Variants in RASA3 observed in about 807,000 individuals in gnomAD.
RASA3 encodes the protein ras GTPase-activating protein 3.
A neutral mutation model predicts 110.0 loss-of-function variants in RASA3; 73 were observed. The observed-to-expected ratio is 0.66, with a 90% confidence interval of 0.55 to 0.81. The LOEUF (loss-of-function observed/expected upper bound fraction) is 0.81, where lower values mean the gene tolerates loss of function less well. RASA3 is among the 30% of genes least tolerant of loss of function. The pLI is 0.00. For synonymous variants in RASA3, 500 were observed against 451.4 expected, an observed-to-expected ratio of 1.11 and a Z score of -1.37; for missense variants, 976 against 1,113.2, an observed-to-expected ratio of 0.88 and a Z score of 1.75.
At chr13:114,059,250 C>T (rs2139600358) in intron 2 of RASA3, among the ~76,000 whole-genome samples, 1 of 145,214 alleles carries the variant, frequency 6.9e-6, no homozygotes, top group Non-Finnish European at 1.5e-5. Flanking sequence ...TCAGGCCCTC[C>T]TGCATCTTCA....
At chr13:114,036,424 C>A (rs375411005) in intron 4 of RASA3, among the ~76,000 whole-genome samples, 3 of 152,210 alleles carry the variant, frequency 2.0e-5, no homozygotes, top group Admixed American at 6.5e-5. Context: ...AATCACAGAG[C>A]GGAGGGACTC....
chr13:113,998,272 A>G (rs1182985846), intron 20 of RASA3, among the ~76,000 whole-genome samples: 1 of 150,486 alleles, frequency 6.6e-6, no homozygotes, highest in Non-Finnish European at 1.5e-5. Flanking sequence ...CCTCTTCCCA[A>G]CCCTTCTCTT....
At chr13:113,991,320 G>A (rs1052589015) in intron 22 of RASA3, among the ~76,000 whole-genome samples, 4 of 152,226 alleles carry the variant, frequency 2.6e-5, no homozygotes, top group African/African-American at 9.6e-5. Flanking sequence ...CACTCAGGCA[G>A]GACTCATGTG....
In RASA3 at chr13:114,030,048, C is replaced by T. The variant is rs531145181; in HGVS notation, c.373-161G>A. 4.4e-4 allele frequency among the ~76,000 whole-genome samples: 67 copies of T among 152,368 alleles called. 1 individual carries two copies. The highest frequency in any genetic ancestry group is 2.9e-4 in the Non-Finnish European group (20 of 68,032). On this transcript the variant is annotated intron_variant, in intron 4 of 23. Transcript: ENST00000334062. Reference sequence around the variant, plus strand: ...GCCCCTCCACTCCACCCCCGGGACGCAGGGTCCCAGCTGTGGCCTTTCTCC... The same window carrying T: ...GCCCCTCCACTCCACCCCCGGGACGTAGGGTCCCAGCTGTGGCCTTTCTCC...
Position 114,011,102 on chromosome 13 carries a change from C to T in RASA3, c.1590+69G>A, listed in dbSNP as rs1370436638. The stretch of plus-strand genomic sequence containing the variant: ...TCTCTCAAATGTGGGAGGTTTTTCA[C>T]GTGTATTTTCTGAAGAGAGAAAAGA... On this transcript the variant is annotated intron_variant, in intron 16 of 23. Transcript: ENST00000334062. The surrounding 1 kb of genome is among the most constrained non-coding windows in gnomAD (Gnocchi z 4.8). 1.9e-5 allele frequency: 26 copies of T among 1,379,006 alleles called. No homozygotes were observed. Among genetic ancestry groups the T allele is most frequent in the Admixed American group, 5.7e-5 (3 of 52,632 alleles). 85.4% of individuals were successfully genotyped at this position (1,379,006 alleles called of 1,614,324 possible).
At chr13:114,090,753 A>G (rs750080640) in intron 1 of RASA3, among the ~76,000 whole-genome samples, 1 of 152,190 alleles carries the variant, frequency 6.6e-6, no homozygotes, top group Non-Finnish European at 1.5e-5. Context: ...CTTCCTCTAA[A>G]TTCACAGGGC....
At chr13:114,073,463 C>A (rs543604053) in intron 2 of RASA3, among the ~76,000 whole-genome samples, 2 of 129,192 alleles carry the variant, frequency 1.5e-5, no homozygotes, top group African/African-American at 3.1e-5. Context: ...GAAAATGGGA[C>A]GGTGATGTAC....
rs1336828096 is a variant in RASA3 at position 114,057,456 on chromosome 13, G to A, written c.174-5301C>T. Reference sequence around the variant, plus strand: ...TAATGAAGGCTCTGCAGGATTTCAAGGAAAGCTGGAGCCAGTCTCTGTGCC... The same window carrying A: ...TAATGAAGGCTCTGCAGGATTTCAAAGAAAGCTGGAGCCAGTCTCTGTGCC... On this transcript the variant is annotated intron_variant, in intron 2 of 23. Coordinates refer to ENST00000334062, the MANE Select transcript of RASA3 (RefSeq NM_007368.4). The surrounding 1 kb of genome is among the most constrained non-coding windows in gnomAD (Gnocchi z 5.0). The A allele has an allele frequency of 1.0e-6, 1 of 985,264 alleles. No individual in the cohort carries two copies. Among genetic ancestry groups the A allele is most frequent in the Non-Finnish European group, 1.2e-6 (1 of 829,928 alleles). 61.0% of individuals were successfully genotyped at this position (985,264 alleles called of 1,614,324 possible). A position where few individuals can be genotyped will look rare whatever the true frequency, so the allele number is the denominator to read the frequency against.
At chr13:114,122,740 G>A (rs911511374) in intron 1 of RASA3, among the ~76,000 whole-genome samples, 1 of 151,356 alleles carries the variant, frequency 6.6e-6, no homozygotes, top group Middle Eastern at 3.2e-3. Flanking sequence ...GGGGGTCTCC[G>A]GCCGGTCGGC....
intron 21 of RASA3, among the ~76,000 whole-genome samples, chr13:113,995,666 A>AG (rs2053218229): frequency 1.2e-5 from 1 of 84,232 alleles, no homozygotes. Flanking sequence ...CAGCTGACGG[A>AG]GGACCCAGCT....
chr13:114,022,197 T>C (rs2053941308), intron 8 of RASA3, among the ~76,000 whole-genome samples: 1 of 152,130 alleles, frequency 6.6e-6, no homozygotes, highest in Non-Finnish European at 1.5e-5. Context: ...AGGCCCAGCA[T>C]TGTGAAGCTT....
At chr13:114,052,424 G>A (rs529797151) in intron 2 of RASA3, among the ~76,000 whole-genome samples, 2 of 152,280 alleles carry the variant, frequency 1.3e-5, no homozygotes, top group South Asian at 4.1e-4. Flanking sequence ...CAGAGACCAC[G>A]GCCACTGCCA....
intron 14 of RASA3, among the ~76,000 whole-genome samples, chr13:114,013,898 CTCTCTT>C (rs2053719523): frequency 1.8e-5 from 1 of 54,246 alleles, no homozygotes; most frequent in South Asian, 6.3e-4. Flanking sequence ...CTCTCTTTTT[CTCTCTT>C]TCTCTGTCTC....
chr13:114,067,161 G>A (rs1475746833), intron 2 of RASA3, among the ~76,000 whole-genome samples: 3 of 147,614 alleles, frequency 2.0e-5, no homozygotes, highest in Admixed American at 2.0e-4. Flanking sequence ...CTGGAGCTGA[G>A]GATGGGCCCC....
intron 2 of RASA3, among the ~76,000 whole-genome samples, chr13:114,060,678 G>A (rs919794486): frequency 6.6e-6 from 1 of 152,234 alleles, no homozygotes; most frequent in Non-Finnish European, 1.5e-5. Flanking sequence ...GAGGCGGGCA[G>A]GACGCAGCTG....
rs563127953 is a variant in RASA3 at position 114,048,443 on chromosome 13, G to A, written c.277+3609C>T. On this transcript the variant is annotated intron_variant, in intron 3 of 23. Coordinates refer to ENST00000334062, the MANE Select transcript of RASA3 (RefSeq NM_007368.4). The surrounding 1 kb of genome is among the most constrained non-coding windows in gnomAD (Gnocchi z 4.3). ...GGGACATGGTGCTACCAGAGCCGGGGCCCAGAGGAAGGTGGAGGCCTAGCG... is the reference window on the plus strand; with the variant it reads ...GGGACATGGTGCTACCAGAGCCGGGACCCAGAGGAAGGTGGAGGCCTAGCG... Among the ~76,000 whole-genome samples the A allele has an allele frequency of 1.2e-3, 181 of 152,244 alleles. No homozygotes were observed. Among genetic ancestry groups the A allele is most frequent in the Middle Eastern group, 3.4e-3 (1 of 294 alleles).
rs923215932 is a variant in RASA3 at position 114,048,925 on chromosome 13, C to T, written c.277+3127G>A. 7.9e-5 allele frequency among the ~76,000 whole-genome samples: 12 copies of T among 151,948 alleles called. No homozygotes were observed. Among genetic ancestry groups the T allele is most frequent in the Admixed American group, 6.6e-5 (1 of 15,238 alleles). ...CTTTATTTCCCCAAGTCTCACTTGCCGGGGCGCCGTATCCCGGCACGGCTT... is the reference window on the plus strand; with the variant it reads ...CTTTATTTCCCCAAGTCTCACTTGCTGGGGCGCCGTATCCCGGCACGGCTT... On this transcript the variant is annotated intron_variant, in intron 3 of 23. Coordinates refer to ENST00000334062, the MANE Select transcript of RASA3 (RefSeq NM_007368.4). The surrounding 1 kb of genome is among the most constrained non-coding windows in gnomAD (Gnocchi z 4.3).
At chr13:114,021,822 C>A (rs1435986941) in intron 8 of RASA3, among the ~76,000 whole-genome samples, 1 of 151,700 alleles carries the variant, frequency 6.6e-6, no homozygotes, top group Non-Finnish European at 1.5e-5. Context: ...GCTACATGAC[C>A]CCAGGCTCTT....
chr13:114,069,524 A>G (rs1421650277), intron 2 of RASA3, among the ~76,000 whole-genome samples: 2 of 38,790 alleles, frequency 5.2e-5, no homozygotes, highest in Non-Finnish European at 4.5e-5. Flanking sequence ...CAGGAGACAC[A>G]GGGGCCAGGA....
Sources: allele counts gnomAD v4.1 joint callset (sites outside exome capture counted in the v4.1 genomes callset), GRCh38; gene constraint gnomAD v4.1.1; non-coding constraint Gnocchi (gnomAD v3.1); transcripts MANE v1.5; gene names NCBI Gene and HGNC (gene_info 2026-07-23, HGNC 2026-07-21).